The following PCNT variants were observed in gnomAD, a reference collection of about 807,000 sequenced individuals.
The protein encoded by PCNT is pericentrin.
PCNT carries 319 observed loss-of-function variants against 380.4 expected under a neutral mutation model. The observed-to-expected ratio is 0.84, with a 90% CI of 0.77 to 0.92. The LOEUF is 0.92. Among genes scored for constraint, PCNT ranks in the 40% least tolerant of loss-of-function variants. The pLI is 0.00. For missense variants in PCNT, 4,400 were observed against 4,255.3 expected (o/e 1.03, Z -0.95); for synonymous variants, 1,845 against 1,735.2 (o/e 1.06, Z -1.57).
At chr21:46,351,393 C>A in intron 8 of PCNT, 36 bp from the exon 9 acceptor site, 2 of 1,140,846 alleles carry the variant, frequency 1.8e-6, no homozygotes, top group South Asian at 2.4e-5. Context: ...GCCTTGAGCT[C>A]ATTAGGGTTT....
Position 46,355,635 on chromosome 21 carries a change from C to G in PCNT, c.1936+9C>G. 3 of 1,611,926 alleles carry G rather than the reference C, an allele frequency of 1.9e-6. No individual in the cohort carries two copies. The highest frequency in any genetic ancestry group is 2.5e-6 in the Non-Finnish European group (3 of 1,179,354). ...TGAAGGGCACAGCCAAGGTGGGCCC[C>G]TCCCGCCTCGCCATGGTGTCGGCAG... On this transcript the variant is annotated intron_variant, in intron 12 of 46. Transcript: ENST00000359568.
In PCNT at chr21:46,407,246, C is replaced by G. The variant is rs142239509; in HGVS notation, c.5116-3943C>G. On this transcript the variant is annotated intron_variant, in intron 27 of 46. Transcript: ENST00000359568. ...TTAACAGACTGAGGTATTTGGATTT[C>G]TGTTTCATGTTGTGATAAGTTGTAT... Among the ~76,000 whole-genome samples, 30 of 150,616 alleles carry G rather than the reference C, an allele frequency of 2.0e-4. No individual in the cohort carries two copies. In the East Asian group the frequency reaches 5.3e-3, roughly 26 times the overall value.
At chr21:46,393,109 G>A (rs925285623) in intron 21 of PCNT, among the ~76,000 whole-genome samples, 14 of 152,144 alleles carry the variant, frequency 9.2e-5, no homozygotes, top group African/African-American at 3.4e-4. Context: ...CGGGCTCAGG[G>A]CGGCGTCATC....
chr21:46,431,391 C>A, intron 37 of PCNT, 138 bp from the exon 38 acceptor site: 1 of 1,509,124 alleles, frequency 6.6e-7, no homozygotes, highest in Non-Finnish European at 8.8e-7. Flanking sequence ...AAATGTTGTC[C>A]CTACATGTGG....
chr21:46,410,310 C>A (rs1187257524), intron 27 of PCNT, among the ~76,000 whole-genome samples: 1 of 152,096 alleles, frequency 6.6e-6, no homozygotes, highest in African/African-American at 2.4e-5. Flanking sequence ...TTCTGTAGGC[C>A]AGATTTGCAT....
chr21:46,350,667 G>T (rs1204414209), intron 8 of PCNT, among the ~76,000 whole-genome samples: 1 of 152,138 alleles, frequency 6.6e-6, no homozygotes, highest in Non-Finnish European at 1.5e-5. Flanking sequence ...CCTGTCCTGG[G>T]CCCCTTGTGT....
At chr21:46,419,185 C>G (rs1006581499) in intron 31 of PCNT, among the ~76,000 whole-genome samples, 1 of 152,146 alleles carries the variant, frequency 6.6e-6, no homozygotes, top group African/African-American at 2.4e-5. Flanking sequence ...TTTTTGAGAA[C>G]ATGGTCACAA....
In PCNT at chr21:46,388,380, C is replaced by G. The variant is rs1234477190; in HGVS notation, c.3465-362C>G. ...ATGGCTGGCTGGTGCACCCTGTGCT[C>G]CAGGGGAGGGGCGGAGCCTGTGTGC... On this transcript the variant is annotated intron_variant, in intron 17 of 46. Transcript: ENST00000359568. The surrounding 1 kb of genome is among the most constrained non-coding windows in gnomAD (Gnocchi z 4.2). 6.6e-6 allele frequency among the ~76,000 whole-genome samples: 1 copy of G among 152,158 alleles called. No individual in the cohort carries two copies. Among genetic ancestry groups the G allele is most frequent in the Non-Finnish European group, 1.5e-5 (1 of 68,032 alleles).
chr21:46,324,384 G>T (rs959179180), intron 1 of PCNT, 102 bp downstream of exon 1: 26 of 1,026,838 alleles, frequency 2.5e-5, no homozygotes, highest in Non-Finnish European at 1.5e-6. Flanking sequence ...GCGGTCCGGC[G>T]GAAGCCGCCG....
rs2839226 is a variant in PCNT, at chr21:46,366,579, C to T, written c.2610-5C>T. On this transcript the variant is annotated splice_region_variant and splice_polypyrimidine_tract_variant and intron_variant, in intron 14 of 46. Coordinates refer to ENST00000359568, the MANE Select transcript of PCNT (RefSeq NM_006031.6). ...AACTGTCCTGTGTTCACTTTGTTGCCGCAGGTTTTTAGAGGAACGTAAAGA... is the reference window on the plus strand; with the variant it reads ...AACTGTCCTGTGTTCACTTTGTTGCTGCAGGTTTTTAGAGGAACGTAAAGA... 1,254,999 of 1,612,214 alleles carry T rather than the reference C, an allele frequency of 0.78. 494,416 individuals carry two copies. Among genetic ancestry groups the T allele is most frequent in the Non-Finnish European group, 0.81 (952,851 of 1,178,556 alleles).
At chr21:46,339,339 A>G (rs1295691265) in intron 3 of PCNT, among the ~76,000 whole-genome samples, 1 of 152,136 alleles carries the variant, frequency 6.6e-6, no homozygotes, top group African/African-American at 2.4e-5. Context: ...GGCCACCCTG[A>G]AGGCTTTTGT....
intron 38 of PCNT, among the ~76,000 whole-genome samples, 155 bp downstream of exon 38, chr21:46,432,370 C>T (rs2087806691): frequency 6.6e-6 from 1 of 152,264 alleles, no homozygotes; most frequent in Non-Finnish European, 1.5e-5. Flanking sequence ...ACTGCTGTTA[C>T]TGTAGCTTTC....
chr21:46,430,867 G>C, intron 37 of PCNT: 1 of 985,438 alleles, frequency 1.0e-6, no homozygotes, highest in Non-Finnish European at 1.2e-6. Context: ...GCGATGACCC[G>C]TGGTGGCACG....
At chr21:46,380,310 C>T (rs2085482874) in intron 15 of PCNT, among the ~76,000 whole-genome samples, 1 of 151,550 alleles carries the variant, frequency 6.6e-6, no homozygotes, top group Non-Finnish European at 1.5e-5. Context: ...TACAGGTGCC[C>T]ACCACCACAC....
intron 16 of PCNT, among the ~76,000 whole-genome samples, chr21:46,385,280 C>T (rs945501298): frequency 7.9e-5 from 12 of 152,190 alleles, no homozygotes; most frequent in African/African-American, 2.9e-4. Context: ...TGTTTGTGCC[C>T]TGGAGTTTGA....
At chr21:46,398,356 G>C in intron 24 of PCNT, 101 bp downstream of exon 24, 1 of 1,263,170 alleles carries the variant, frequency 7.9e-7, no homozygotes. Context: ...TCTTGCTCTT[G>C]TTTGGGCTGC....
intron 27 of PCNT, among the ~76,000 whole-genome samples, chr21:46,410,456 C>G (rs1045052422): frequency 1.3e-5 from 2 of 152,140 alleles, no homozygotes; most frequent in Admixed American, 6.5e-5. Context: ...TAGAATTTTT[C>G]TATTTTTTGT....
intron 25 of PCNT, among the ~76,000 whole-genome samples, chr21:46,400,403 G>T (rs919671988): frequency 6.6e-6 from 1 of 152,028 alleles, no homozygotes; most frequent in Non-Finnish European, 1.5e-5. Flanking sequence ...ACTTCTATGA[G>T]GTTAAAAGGT....
intron 17 of PCNT, among the ~76,000 whole-genome samples, 186 bp downstream of exon 17, chr21:46,386,169 T>C (rs952587315): frequency 6.6e-6 from 1 of 152,150 alleles, no homozygotes; most frequent in Non-Finnish European, 1.5e-5. Context: ...CGGGAAGAAA[T>C]CGCCTGCTGT....
Sources: allele counts gnomAD v4.1 joint callset (sites outside exome capture counted in the v4.1 genomes callset), GRCh38; gene constraint gnomAD v4.1.1; non-coding constraint Gnocchi (gnomAD v3.1); transcripts MANE v1.5; gene names NCBI Gene and HGNC (gene_info 2026-07-23, HGNC 2026-07-21).